Variants in EFHC2 observed in about 807,000 individuals in gnomAD.
EFHC2 encodes the protein EF-hand domain containing 2.
EFHC2 carries 18 observed loss-of-function variants against 52.7 expected under a neutral mutation model. The observed-to-expected ratio is 0.34, with a 90% CI of 0.24 to 0.51. The LOEUF (loss-of-function observed/expected upper bound fraction) is 0.51. Among genes scored for constraint, EFHC2 ranks in the 20% least tolerant of loss-of-function variants. EFHC2 has a pLI of 0.97. For missense variants in EFHC2, 513 were observed against 562.5 expected, an observed-to-expected ratio of 0.91 and a Z score of 0.89; for synonymous variants, 203 against 204.1, an observed-to-expected ratio of 0.99 and a Z score of 0.04.
intron 14 of EFHC2, among the ~76,000 whole-genome samples, chrX:44,157,064 T>C (rs1410806749): frequency 8.9e-6 from 1 of 112,724 alleles, no homozygotes. Flanking sequence ...ACAGTCATGA[T>C]GGATGATGGC....
rs3049061 is a variant in EFHC2, at chrX:44,283,532, CT to C, written c.232-10697del. Reference sequence around the variant, plus strand: ...AAGCACTTTGACTCCACGGAAGTACCTTTTTTTTTTTTTTTTTACATCCGGG... The same window carrying C: ...AAGCACTTTGACTCCACGGAAGTACCTTTTTTTTTTTTTTTTACATCCGGG... On this transcript the variant is annotated intron_variant, in intron 2 of 14. Transcript: ENST00000420999. 4.4e-3 allele frequency among the ~76,000 whole-genome samples: 388 copies of C among 88,512 alleles called. 3 individuals are homozygous for C. Among genetic ancestry groups the C allele is most frequent in the East Asian group, 9.4e-3 (28 of 2,973 alleles). 76.9% of individuals were successfully genotyped at this position (88,512 alleles called of 115,157 possible). A position where few individuals can be genotyped will look rare whatever the true frequency, so the allele number is the denominator to read the frequency against.
intron 11 of EFHC2, among the ~76,000 whole-genome samples, chrX:44,202,456 T>A (rs1483657984): frequency 1.8e-5 from 2 of 111,974 alleles, no homozygotes; most frequent in Non-Finnish European, 3.8e-5. Context: ...CATTCATACA[T>A]ACCACCAACT....
chrX:44,262,133 A>G (rs983794317), intron 3 of EFHC2, among the ~76,000 whole-genome samples: 1 of 111,000 alleles, frequency 9.0e-6, no homozygotes, highest in Non-Finnish European at 1.9e-5. Flanking sequence ...CCTTGCCTAC[A>G]TGAGTGTACC....
chrX:44,160,676 C>T (rs1171715633), intron 14 of EFHC2, among the ~76,000 whole-genome samples: 5 of 112,191 alleles, frequency 4.5e-5, no homozygotes, highest in Admixed American at 2.8e-4. Context: ...ACTCCCAGCA[C>T]TTTGGGAGGC....
intron 2 of EFHC2, among the ~76,000 whole-genome samples, chrX:44,293,589 G>T (rs2037808057): frequency 9.0e-6 from 1 of 111,684 alleles, no homozygotes; most frequent in Non-Finnish European, 1.9e-5. Context: ...TGTTCACTGT[G>T]ATACTGATGG....
At chrX:44,283,154 C>G (rs1266877397) in intron 2 of EFHC2, among the ~76,000 whole-genome samples, 1 of 111,581 alleles carries the variant, frequency 9.0e-6, no homozygotes, top group African/African-American at 3.3e-5. Flanking sequence ...GCCTTGTATT[C>G]CAAACCAAAA....
intron 1 of EFHC2, among the ~76,000 whole-genome samples, chrX:44,339,506 G>A (rs1007541584): frequency 4.5e-5 from 5 of 110,707 alleles, no homozygotes; most frequent in African/African-American, 1.6e-4. Context: ...TCATATTTTA[G>A]AAGGCACCAT....
intron 11 of EFHC2, among the ~76,000 whole-genome samples, chrX:44,188,171 G>T (rs1294198498): frequency 9.4e-6 from 1 of 106,732 alleles, no homozygotes; most frequent in Non-Finnish European, 1.9e-5. Flanking sequence ...GGTAGAGACG[G>T]GGTTGGCTTT....
chrX:44,216,779 T>C (rs1180808857), intron 11 of EFHC2, among the ~76,000 whole-genome samples: 3 of 111,642 alleles, frequency 2.7e-5, no homozygotes, highest in South Asian at 3.7e-4. Flanking sequence ...CAAGAAAACA[T>C]TGGGAAACTC....
In EFHC2 at chrX:44,229,692, C is replaced by T. The variant is rs773567598; in HGVS notation, c.1708G>A (p.Ala570Thr). 7 of 1,210,997 alleles carry T rather than the reference C, an allele frequency of 5.8e-6. No individual in the cohort carries two copies. Among genetic ancestry groups the T allele is most frequent in the Non-Finnish European group, 6.7e-6 (6 of 894,954 alleles). Residue 570 changes from alanine to threonine, a missense_variant, in exon 11 of 15, where the codon GCT becomes ACT. Coordinates refer to ENST00000420999, the MANE Select transcript of EFHC2 (RefSeq NM_025184.4). ...ACCATATTTGTGTGCTTAGAGTCAG[C>T]AGCTTTAAATACCTGCTTGAGCTCT... Reference protein sequence around the residue: ...SRELKQVFKAADSKHTNMVDY... With the variant: ...SRELKQVFKATDSKHTNMVDY...
intron 14 of EFHC2, among the ~76,000 whole-genome samples, chrX:44,160,457 G>A (rs753134306): frequency 9.0e-6 from 1 of 111,559 alleles, no homozygotes; most frequent in Admixed American, 9.5e-5. Context: ...TTATATATCT[G>A]CATACTGTGT....
intron 2 of EFHC2, chrX:44,310,342 G>C: frequency 3.4e-6 from 3 of 880,212 alleles, no homozygotes; most frequent in African/African-American, 2.0e-5. Context: ...ATGCAGTCTT[G>C]CTGGCCAGAA....
chrX:44,228,550 A>G (rs1452789437), intron 11 of EFHC2, among the ~76,000 whole-genome samples: 1 of 112,109 alleles, frequency 8.9e-6, no homozygotes, highest in Non-Finnish European at 1.9e-5. Context: ...AACAATAACA[A>G]AGAACTATAA....
Position 44,261,292 on chromosome X carries a change from G to C in EFHC2, c.389C>G (p.Ser130Cys). ...VKNSGLLQGTSIRRHRITLPP... is the reference protein window; with the variant it reads ...VKNSGLLQGTCIRRHRITLPP... ...AAGAGTAATCCGATGACGCCGGATA[G>C]AAGTCCCTATGGCATGAAAGAAAAT... Residue 130 changes from serine to cysteine, a missense_variant, in exon 4 of 15, where the codon TCT becomes TGT. By Grantham distance (112) the Ser-to-Cys change is moderately radical (BLOSUM62 -1). Transcript: ENST00000420999. The C allele has an allele frequency of 1.7e-6, 2 of 1,187,649 alleles. No homozygotes were observed.
intron 11 of EFHC2, among the ~76,000 whole-genome samples, chrX:44,216,372 T>C (rs1024541530): frequency 8.1e-5 from 9 of 111,506 alleles, no homozygotes; most frequent in African/African-American, 2.3e-4. Context: ...CCACATGTGG[T>C]TGGTTTCTCC....
At chrX:44,254,212 C>T (rs1029847310) in intron 4 of EFHC2, among the ~76,000 whole-genome samples, 1 of 112,169 alleles carries the variant, frequency 8.9e-6, no homozygotes, top group East Asian at 2.8e-4. Context: ...AACACCTCTT[C>T]TCCTCCGAAG....
chrX:44,203,727 C>T (rs1702237210), intron 11 of EFHC2, among the ~76,000 whole-genome samples: 1 of 111,407 alleles, frequency 9.0e-6, no homozygotes, highest in Non-Finnish European at 1.9e-5. Flanking sequence ...TCTGGAACTA[C>T]AGGTGCACAC....
chrX:44,184,904 T>A (rs1400266875), intron 11 of EFHC2, among the ~76,000 whole-genome samples: 1 of 110,029 alleles, frequency 9.1e-6, no homozygotes, highest in African/African-American at 3.3e-5. Flanking sequence ...CCACAGAGAG[T>A]AGTGGTTTTT....
At chrX:44,274,312 T>C (rs781398255) in intron 2 of EFHC2, among the ~76,000 whole-genome samples, 23 of 112,115 alleles carry the variant, frequency 2.1e-4, no homozygotes, top group African/African-American at 7.4e-4. Context: ...TTAGGTTAGC[T>C]AAACCCCATT....
Sources: allele counts gnomAD v4.1 joint callset (sites outside exome capture counted in the v4.1 genomes callset), GRCh38; gene constraint gnomAD v4.1.1; transcripts MANE v1.5; gene names NCBI Gene and HGNC (gene_info 2026-07-23, HGNC 2026-07-21).